The following WDFY3 variants were observed in gnomAD, a reference collection of about 807,000 sequenced individuals.
WDFY3 encodes WD repeat and FYVE domain-containing protein 3.
WDFY3 carries 66 observed loss-of-function variants against 409.6 expected under a neutral mutation model. The ratio of observed to expected loss-of-function variants is 0.16; its 90% CI spans 0.13 to 0.20. The LOEUF (loss-of-function observed/expected upper bound fraction) is 0.20, where lower values mean the gene tolerates loss of function less well. WDFY3 is among the 10% of genes least tolerant of loss of function. WDFY3 has a pLI of 1.00. For missense variants in WDFY3, 3,031 were observed against 4,298.1 expected (o/e 0.71, Z 8.24); for synonymous variants, 1,521 against 1,537.1 (o/e 0.99, Z 0.25).
intron 3 of WDFY3, among the ~76,000 whole-genome samples, chr4:84,874,908 C>T (rs1762564855): frequency 6.6e-6 from 1 of 152,068 alleles, no homozygotes; most frequent in African/African-American, 2.4e-5. Context: ...TATGGTATAG[C>T]CTATTGCTCC....
intron 27 of WDFY3, among the ~76,000 whole-genome samples, chr4:84,778,038 T>C (rs929663241): frequency 1.3e-5 from 2 of 152,122 alleles, no homozygotes; most frequent in Non-Finnish European, 2.9e-5. Context: ...GTGATAGTTA[T>C]TCTAGTATGA....
chr4:84,929,286 G>A (rs1048968984), intron 2 of WDFY3, among the ~76,000 whole-genome samples: 12 of 152,102 alleles, frequency 7.9e-5, no homozygotes, highest in Non-Finnish European at 1.8e-4. Flanking sequence ...TCCTCCCCCA[G>A]GACCTTCAGA....
intron 48 of WDFY3, 93 bp downstream of exon 48, chr4:84,718,329 A>T (rs1578238167): frequency 7.2e-7 from 1 of 1,391,518 alleles, no homozygotes; most frequent in Non-Finnish European, 9.7e-7. Context: ...CATTACCTAG[A>T]ACACAATTTT....
rs138351769 is a variant in WDFY3 at position 84,763,142 on chromosome 4, C to T, written c.5188+2668G>A. Among the ~76,000 whole-genome samples, 1,353 of 152,020 alleles carry T rather than the reference C, an allele frequency of 8.9e-3. 18 individuals carry two copies. The highest frequency in any genetic ancestry group is 0.031 in the African/African-American group (1,290 of 41,454). ...ATCTTAAGGAATATTTAATATATCA[C>T]GATTAAGCATTAATTTAGATACAAG... On this transcript the variant is annotated intron_variant, in intron 32 of 67. Transcript: ENST00000295888.
At chr4:84,701,377 T>C (rs1731046216) in intron 56 of WDFY3, among the ~76,000 whole-genome samples, 1 of 152,154 alleles carries the variant, frequency 6.6e-6, no homozygotes, top group Non-Finnish European at 1.5e-5. Flanking sequence ...GACAATTAAA[T>C]ACATAAAAAT....
rs1038831535 is a variant in WDFY3 at position 84,671,989 on chromosome 4, C to T, written c.*879G>A. 3 of 152,186 alleles carry T rather than the reference C, an allele frequency of 2.0e-5. No individual in the cohort carries two copies. Among genetic ancestry groups the T allele is most frequent in the African/African-American group, 7.2e-5 (3 of 41,442 alleles). The allele number at this position is 152,186 out of a possible 1,614,324, so 9.4% of individuals were successfully genotyped here. The stretch of plus-strand genomic sequence containing the variant: ...TCCTGCACTACACTGGTCATCTGAC[C>T]ACCTTTCTGCAATGCTAAGAAGGTA... On this transcript the variant is annotated 3_prime_UTR_variant, in exon 68 of 68. Transcript: ENST00000295888.
chr4:84,919,733 C>A (rs1228049353), intron 2 of WDFY3, among the ~76,000 whole-genome samples: 1 of 152,164 alleles, frequency 6.6e-6, no homozygotes, highest in African/African-American at 2.4e-5. Flanking sequence ...TCCCCTTCCA[C>A]CATGATTGTA....
chr4:84,828,558 C>T (rs1249969079), intron 9 of WDFY3, among the ~76,000 whole-genome samples: 1 of 152,164 alleles, frequency 6.6e-6, no homozygotes. Flanking sequence ...CTGCATTTGG[C>T]AATTTAACTC....
intron 58 of WDFY3, among the ~76,000 whole-genome samples, chr4:84,695,700 G>T (rs183103510): frequency 1.2e-3 from 188 of 152,196 alleles, no homozygotes; most frequent in Non-Finnish European, 1.9e-3. Flanking sequence ...GGCCTATAAG[G>T]CCCCTCCTGT....
At chr4:84,821,028 A>G in intron 11 of WDFY3, 56 bp downstream of exon 11, 1 of 1,445,204 alleles carries the variant, frequency 6.9e-7, no homozygotes, top group Non-Finnish European at 9.3e-7. Context: ...AGAACAAAAA[A>G]TTCTCTGTTT....
intron 44 of WDFY3, among the ~76,000 whole-genome samples, chr4:84,733,148 T>C (rs1193906480): frequency 1.3e-5 from 2 of 152,184 alleles, no homozygotes; most frequent in African/African-American, 4.8e-5. Flanking sequence ...AGGTCTTAAA[T>C]TTGGGCAGTC....
At chr4:84,740,098 G>T in intron 39 of WDFY3, 89 bp downstream of exon 39, 1 of 1,298,590 alleles carries the variant, frequency 7.7e-7, no homozygotes, top group Non-Finnish European at 1.1e-6. Flanking sequence ...AAGGGTAAAA[G>T]AAATGTTACT....
intron 3 of WDFY3, among the ~76,000 whole-genome samples, chr4:84,888,721 G>A: frequency 6.6e-6 from 1 of 152,094 alleles, no homozygotes; most frequent in East Asian, 1.9e-4. Context: ...AGAGCCGATG[G>A]CTAAATTTTC....
chr4:84,733,563 A>G lies in WDFY3; in HGVS notation c.7040T>C (p.Ile2347Thr), dbSNP rs764774648. Residue 2347 changes from isoleucine (I) to threonine (T), a missense_variant, in exon 44 of 68, where the codon ATC (isoleucine) becomes ACC (threonine). Ile to Thr is a moderately conservative substitution (Grantham distance 89, BLOSUM62 -1). Around this residue, in one of 16 missense-constraint regions of WDFY3, gnomAD observed 98 missense variants for 194.9 expected, o/e 0.50. Coordinates refer to ENST00000295888, the MANE Select transcript of WDFY3 (RefSeq NM_014991.6). ...LKYVTEEWCQ[I>T]ECELLRERGL... ...CCGCTCCCTCAACAGCTCGCACTCG[A>G]TCTGACACCACTCTTCTGTCACGTA... The G allele has an allele frequency of 6.2e-7, 1 of 1,614,034 alleles. No individual in the cohort carries two copies. Among genetic ancestry groups the G allele is most frequent in the South Asian group, 1.1e-5 (1 of 91,062 alleles).
intron 2 of WDFY3, among the ~76,000 whole-genome samples, chr4:84,930,278 AGATATTAGTCCATAC>A (rs917049941): frequency 6.6e-6 from 1 of 152,238 alleles, no homozygotes; most frequent in African/African-American, 2.4e-5. Context: ...TTAAGAAAAA[AGATATTAGTCCATAC>A]CGGAAAATCT....
chr4:84,761,056 G>A (rs1578401880), intron 32 of WDFY3, among the ~76,000 whole-genome samples: 3 of 151,804 alleles, frequency 2.0e-5, no homozygotes, highest in East Asian at 1.9e-4. Flanking sequence ...CCTTCATTTC[G>A]TTATGTACAC....
At chr4:84,787,826 C>G in intron 22 of WDFY3, 113 bp from the exon 23 acceptor site, 1 of 968,054 alleles carries the variant, frequency 1.0e-6, no homozygotes, top group South Asian at 1.7e-5. Context: ...TACAAATGCA[C>G]AAAAACATTT....
chr4:84,864,223 C>T (rs1293359976), intron 3 of WDFY3, among the ~76,000 whole-genome samples: 1 of 151,990 alleles, frequency 6.6e-6, no homozygotes, highest in Non-Finnish European at 1.5e-5. Context: ...AAAAAATTAG[C>T]TGAGCATGGT....
At chr4:84,889,352 T>C (rs921168619) in intron 3 of WDFY3, among the ~76,000 whole-genome samples, 1 of 152,214 alleles carries the variant, frequency 6.6e-6, no homozygotes, top group Non-Finnish European at 1.5e-5. Flanking sequence ...CAGAGACCTT[T>C]TGCATTAAAC....
Sources: gnomAD v4.1 joint callset for allele counts (sites outside exome capture counted in the v4.1 genomes callset) on GRCh38, gnomAD v4.1.1 for gene constraint, gnomAD v4.1.1 regional missense constraint, MANE v1.5 for transcripts, NCBI Gene and HGNC (gene_info 2026-07-23, HGNC 2026-07-21) for gene names.